BRIP1: variants seen among roughly 807,000 people sequenced by gnomAD.
BRIP1 encodes Fanconi anemia group J protein.
Under a neutral mutation model 119.7 loss-of-function variants are expected in BRIP1, and 88 were observed. That is an observed-to-expected ratio of 0.74 (90% confidence interval 0.62 to 0.88). The LOEUF is 0.88. Among genes scored for constraint, BRIP1 ranks in the 40% least tolerant of loss-of-function variants. The pLI is 0.00. For synonymous variants in BRIP1, 443 were observed against 496.5 expected, an observed-to-expected ratio of 0.89 and a Z score of 1.43; for missense variants, 1,259 against 1,455.4, an observed-to-expected ratio of 0.87 and a Z score of 2.20.
chr17:61,788,523 C>T (rs1294277879), intron 10 of BRIP1, among the ~76,000 whole-genome samples: 2 of 152,006 alleles, frequency 1.3e-5, no homozygotes, highest in Non-Finnish European at 2.9e-5. Flanking sequence ...GATACAATTC[C>T]AAAGGAAAAT....
chr17:61,786,908 T>C (rs1191612709), intron 10 of BRIP1, among the ~76,000 whole-genome samples: 1 of 60,056 alleles, frequency 1.7e-5, no homozygotes, highest in African/African-American at 8.2e-5. Flanking sequence ...ATATATAATG[T>C]AAATATAAAA....
At position 61,716,024 on chromosome 17, in the gene BRIP1, A is replaced by G. The variant is rs786201708; in HGVS notation, c.2419T>C (p.Leu807=). The part of the protein sequence containing the change: ...KRQYNDHHSK[L]RGLLPGRQWY... ...TGACGGCCAGGTAGAAGACCTCTCA[A>G]TTTTGAATGGTGGTCATTGTATTGT... The change falls in exon 17 of 20, where the codon TTG becomes CTG. Residue 807 remains leucine (L), a synonymous_variant. Coordinates refer to ENST00000259008, the MANE Select transcript of BRIP1 (RefSeq NM_032043.3). 7.5e-6 allele frequency: 12 copies of G among 1,607,484 alleles called. No individual in the cohort carries two copies. The highest frequency in any genetic ancestry group is 1.7e-4 in the Middle Eastern group (1 of 6,058).
In BRIP1 at chr17:61,748,481, T is replaced by C. The variant is rs977720613; in HGVS notation, c.2098-3890A>G. Among the ~76,000 whole-genome samples, 2 of 152,144 alleles carry C rather than the reference T, an allele frequency of 1.3e-5. No individual in the cohort carries two copies. The highest frequency in any genetic ancestry group is 2.9e-5 in the Non-Finnish European group (2 of 68,016). On this transcript the variant is annotated intron_variant, in intron 14 of 19. Transcript: ENST00000259008. This position sits in a 1 kb window ranked among gnomAD's most constrained non-coding sequence, Gnocchi z 4.7. ...AAACAGAAAAAAATACAAAAATTAATATGCAACCACAAAGGACTTGGAATA... is the reference window on the plus strand; with the variant it reads ...AAACAGAAAAAAATACAAAAATTAACATGCAACCACAAAGGACTTGGAATA...
Position 61,807,551 on chromosome 17 carries a change from A to T in BRIP1, c.918+916T>A, listed in dbSNP as rs2078091783. 1.3e-5 allele frequency among the ~76,000 whole-genome samples: 2 copies of T among 152,160 alleles called. No individual in the cohort carries two copies. Among genetic ancestry groups the T allele is most frequent in the African/African-American group, 4.8e-5 (2 of 41,444 alleles). On this transcript the variant is annotated intron_variant, in intron 7 of 19. Coordinates refer to ENST00000259008, the MANE Select transcript of BRIP1 (RefSeq NM_032043.3). The surrounding 1 kb of genome is among the most constrained non-coding windows in gnomAD (Gnocchi z 4.5). ...AGAGTATTAAGGAAGAAAAGCATAA[A>T]ACAAAATAATTCACATTATATGGTA...
rs145439881 is a variant in BRIP1, at chr17:61,679,881, GGTCA to G, written c.*3411_*3414del. Among the ~76,000 whole-genome samples the G allele has an allele frequency of 4.3e-3, 654 of 152,022 alleles. 3 individuals are homozygous for G. Among genetic ancestry groups the G allele is most frequent in the African/African-American group, 0.015 (616 of 41,460 alleles). ...AGTTTACTTCTTGGAATATCATCTT[GGTCA>G]GTCATGATCTGAGGAGAATATACAC... On this transcript the variant is annotated 3_prime_UTR_variant, in exon 20 of 20. Transcript: ENST00000259008. The surrounding 1 kb of genome is among the most constrained non-coding windows in gnomAD (Gnocchi z 4.4).
chr17:61,799,200 G>A lies in BRIP1; in HGVS notation c.1240C>T (p.Gln414Ter), dbSNP rs368796923. 6.2e-7 allele frequency: 1 copy of A among 1,613,344 alleles called. No individual in the cohort carries two copies. Among genetic ancestry groups the A allele is most frequent in the Non-Finnish European group, 8.5e-7 (1 of 1,179,544 alleles). Residue 414 changes from glutamine (Q) to a stop codon, truncating the protein, a stop_gained, in exon 9 of 20, where the codon CAG becomes TAG. Transcript: ENST00000259008. LOFTEE classifies it high-confidence loss of function. The surrounding 1 kb of genome is among the most constrained non-coding windows in gnomAD (Gnocchi z 5.1). ...ESASYSVTEV[Q>*]LRFARDELDS... ...AGTTCATCCCGAGCAAACCGAAGCT[G>A]AACTTCTGTTACACTGTAACTTGCT...
chr17:61,780,758 A>C lies in BRIP1; in HGVS notation c.1794+82T>G, dbSNP rs1003672930. 9 of 1,470,468 alleles carry C rather than the reference A, an allele frequency of 6.1e-6. No individual in the cohort carries two copies. In the Admixed American group the frequency reaches 1.5e-4, roughly 25 times the overall value. The allele number at this position is 1,470,468 out of a possible 1,614,324, so 91.1% of individuals were successfully genotyped here. A position where few individuals can be genotyped will look rare whatever the true frequency, so the allele number is the denominator to read the frequency against. ...ACAACAACAACAACAACAAACAACT[A>C]TCTTTAAAAGAGTCAACCACATTTA... On this transcript the variant is annotated intron_variant, in intron 12 of 19. Coordinates refer to ENST00000259008, the MANE Select transcript of BRIP1 (RefSeq NM_032043.3). The surrounding 1 kb of genome is among the most constrained non-coding windows in gnomAD (Gnocchi z 5.4).
rs2078960312 is a variant in BRIP1, at chr17:61,860,563, G to A, written c.94-656C>T. Among the ~76,000 whole-genome samples, 1 of 152,216 alleles carries A rather than the reference G, an allele frequency of 6.6e-6. No individual in the cohort carries two copies. The highest frequency in any genetic ancestry group is 1.5e-5 in the Non-Finnish European group (1 of 68,042). On this transcript the variant is annotated intron_variant, in intron 2 of 19. Transcript: ENST00000259008. This position sits in a 1 kb window ranked among gnomAD's most constrained non-coding sequence, Gnocchi z 4.1. The stretch of plus-strand genomic sequence containing the variant: ...TAATCCCAGCTACTGGGGAGGCTGA[G>A]GCAGGAGAATAGCTTCAGCCTGGGA...
chr17:61,721,262 C>G (rs2061968641), intron 16 of BRIP1, among the ~76,000 whole-genome samples: 1 of 139,268 alleles, frequency 7.2e-6, no homozygotes, highest in Non-Finnish European at 1.5e-5. Flanking sequence ...AAAATAAAAT[C>G]TAAGCTTTTT....
rs1009741023 is a variant in BRIP1 at position 61,758,865 on chromosome 17, A to G, written c.2098-14274T>C. On this transcript the variant is annotated intron_variant, in intron 14 of 19. Transcript: ENST00000259008. The surrounding 1 kb of genome is among the most constrained non-coding windows in gnomAD (Gnocchi z 5.3). ...AAAAAAAAAAGTTTTTAAAAAATGT[A>G]TCTGGGTGTGGTGGCACATGCCTGT... is the stretch of plus-strand genomic sequence containing the variant. Among the ~76,000 whole-genome samples, 4 of 151,730 alleles carry G rather than the reference A, an allele frequency of 2.6e-5. No homozygotes were observed. The highest frequency in any genetic ancestry group is 4.4e-5 in the Non-Finnish European group (3 of 67,936).
Position 61,862,306 on chromosome 17 carries a change from T to C in BRIP1, c.-30-737A>G, listed in dbSNP as rs945892922. 1.3e-5 allele frequency among the ~76,000 whole-genome samples: 2 copies of C among 152,254 alleles called. No homozygotes were observed. The highest frequency in any genetic ancestry group is 1.5e-5 in the Non-Finnish European group (1 of 68,036). ...TTATTTGAAGATCAGTAGAGTATTA[T>C]AGAAACAGGATGGGCTTTGGAGTAA... On this transcript the variant is annotated intron_variant, in intron 1 of 19. Transcript: ENST00000259008. The surrounding 1 kb of genome is among the most constrained non-coding windows in gnomAD (Gnocchi z 5.3).
At chr17:61,797,807 T>C (rs2145285194) in intron 9 of BRIP1, among the ~76,000 whole-genome samples, 1 of 151,972 alleles carries the variant, frequency 6.6e-6, no homozygotes, top group East Asian at 1.9e-4. Context: ...AAAGGAAATA[T>C]AAATGGCCTT....
At chr17:61,790,431 A>G (rs1177802194) in intron 10 of BRIP1, among the ~76,000 whole-genome samples, 4 of 151,992 alleles carry the variant, frequency 2.6e-5, no homozygotes, top group Non-Finnish European at 5.9e-5. Context: ...CTGTAATCCC[A>G]GCTACTTGGG....
At chr17:61,820,932 G>A (rs550428378) in intron 6 of BRIP1, among the ~76,000 whole-genome samples, 19 of 146,176 alleles carry the variant, frequency 1.3e-4, no homozygotes, top group South Asian at 2.2e-4. Flanking sequence ...CCTGGGCAAC[G>A]AAGCGAGACT....
intron 16 of BRIP1, among the ~76,000 whole-genome samples, chr17:61,719,740 G>A (rs578095865): frequency 6.6e-6 from 1 of 150,890 alleles, no homozygotes; most frequent in South Asian, 2.1e-4. Context: ...AAAAAAAAAA[G>A]GTTAATCTCA....
chr17:61,791,488 C>CAAAAAAAAA (rs529710126), intron 10 of BRIP1, among the ~76,000 whole-genome samples: 695 of 52,794 alleles, frequency 0.013, 107 homozygotes, highest in Non-Finnish European at 0.017. Context: ...GACTTCATCT[C>CAAAAAAAAA]AAAAAAAAAA....
rs1030021394 is a variant in BRIP1, at chr17:61,823,976, C to T, written c.628-15219G>A. 6.6e-6 allele frequency among the ~76,000 whole-genome samples: 1 copy of T among 152,066 alleles called. No homozygotes were observed. Among genetic ancestry groups the T allele is most frequent in the Non-Finnish European group, 1.5e-5 (1 of 68,002 alleles). On this transcript the variant is annotated intron_variant, in intron 6 of 19. Coordinates refer to ENST00000259008, the MANE Select transcript of BRIP1 (RefSeq NM_032043.3). This position sits in a 1 kb window ranked among gnomAD's most constrained non-coding sequence, Gnocchi z 4.8. ...TTACAGGCATGTGCCGCCGCACCTG[C>T]CTAATTTTTTGTATTTTTAGTAGAC...
chr17:61,728,065 G>C (rs1296422290), intron 16 of BRIP1, among the ~76,000 whole-genome samples: 7 of 151,962 alleles, frequency 4.6e-5, no homozygotes, highest in South Asian at 4.2e-4. Context: ...CTGACCTCAA[G>C]TGATCCACCC....
rs1064793669 is a variant in BRIP1, at chr17:61,744,606, G to GA, written c.2098-16dup. 13 of 1,609,222 alleles carry GA rather than the reference G, an allele frequency of 8.1e-6. No individual in the cohort carries two copies. Among genetic ancestry groups the GA allele is most frequent in the Non-Finnish European group, 1.1e-5 (13 of 1,175,998 alleles). On this transcript the variant is annotated splice_polypyrimidine_tract_variant and intron_variant, in intron 14 of 19. Coordinates refer to ENST00000259008, the MANE Select transcript of BRIP1 (RefSeq NM_032043.3). This position sits in a 1 kb window ranked among gnomAD's most constrained non-coding sequence, Gnocchi z 5.0. The stretch of plus-strand genomic sequence containing the variant: ...TTTTCTAATAACTAAAGAGGGGAAA[G>GA]AAAAAAATGATTTTTTGTGTGTCTA...
Sources: allele counts gnomAD v4.1 joint callset (sites outside exome capture counted in the v4.1 genomes callset), GRCh38; gene constraint gnomAD v4.1.1; non-coding constraint Gnocchi (gnomAD v3.1); transcripts MANE v1.5; gene names NCBI Gene and HGNC (gene_info 2026-07-23, HGNC 2026-07-21).